Variants in MRTFA observed in about 807,000 individuals in gnomAD.
The protein encoded by MRTFA is myocardin related transcription factor A.
In MRTFA, 20 loss-of-function variants were observed where a neutral mutation model predicts 83.5. The ratio of observed to expected loss-of-function variants is 0.24; its 90% CI spans 0.17 to 0.35. The LOEUF is 0.35. MRTFA is among the 10% of genes least tolerant of loss of function. The probability of loss-of-function intolerance (pLI) is 1.00; values close to 1 mark genes in which losing one functional copy is unlikely to be tolerated. For missense variants in MRTFA, 1,200 were observed against 1,224.7 expected, an observed-to-expected ratio of 0.98 and a Z score of 0.30; for synonymous variants, 659 against 541.2, an observed-to-expected ratio of 1.22 and a Z score of -3.02.
intron 14 of MRTFA, chr22:40,412,528 G>A (rs534257455): frequency 6.6e-6 from 1 of 152,334 alleles, no homozygotes; most frequent in South Asian, 2.1e-4. Flanking sequence ...TTTGTACACA[G>A]GTGTTGATAA....
intron 3 of MRTFA, among the ~76,000 whole-genome samples, chr22:40,485,060 G>A (rs1315889125): frequency 6.8e-6 from 1 of 146,082 alleles, no homozygotes; most frequent in Admixed American, 6.9e-5. Flanking sequence ...AACATAGTGA[G>A]ACTCCGTCTC....
intron 3 of MRTFA, among the ~76,000 whole-genome samples, chr22:40,470,732 TGAG>T (rs1335062744): frequency 2.0e-5 from 3 of 151,450 alleles, no homozygotes; most frequent in African/African-American, 7.3e-5. Context: ...GCAGATCACC[TGAG>T]GTCAGGAGTT....
In MRTFA at chr22:40,636,693, C is replaced by T. The variant is rs2056706550; in HGVS notation, c.-299G>A. ...ACCACAGACACTGCCGCCGCCGGCT[C>T]CTCTCAGCCACGGAAGCTGCGGGCC... On this transcript the variant is annotated 5_prime_UTR_variant, in exon 1 of 15. Coordinates refer to ENST00000355630, the MANE Select transcript of MRTFA (RefSeq NM_020831.6). 1 of 152,414 alleles carries T rather than the reference C, an allele frequency of 6.6e-6. No homozygotes were observed. The highest frequency in any genetic ancestry group is 1.5e-5 in the Non-Finnish European group (1 of 68,212). The allele number at this position is 152,414 out of a possible 1,614,324, so 9.4% of individuals were successfully genotyped here.
rs1192788626 is a variant in MRTFA at position 40,562,640 on chromosome 22, G to C, written c.-21-10273C>G. 2.3e-3 allele frequency among the ~76,000 whole-genome samples: 193 copies of C among 82,220 alleles called. 3 individuals are homozygous for C. Among genetic ancestry groups the C allele is most frequent in the African/African-American group, 9.5e-3 (187 of 19,694 alleles). 53.9% of individuals were successfully genotyped at this position (82,220 alleles called of 152,430 possible). ...GGGGGAGGGAGAGGAAGGGGGAAAG[G>C]GGGGGAGGAGGGAAGGCAGAAAGGA... On this transcript the variant is annotated intron_variant, in intron 2 of 14. Transcript: ENST00000355630.
chr22:40,418,889 C>T lies in MRTFA; in HGVS notation c.1849G>A (p.Glu617Lys). ...TGGTCCTTGTCGCGCCCCTCTAGCT[C>T]CGCCCGCCCCCCAGGGCTCAGGCAA... is the stretch of plus-strand genomic sequence containing the variant. Residue 617 changes from glutamate to lysine, a missense_variant, in exon 12 of 15, where the codon GAG becomes AAG. By Grantham distance (56) the Glu-to-Lys change is moderately conservative. Transcript: ENST00000355630. 3 of 1,612,636 alleles carry T rather than the reference C, an allele frequency of 1.9e-6. No individual in the cohort carries two copies. Among genetic ancestry groups the T allele is most frequent in the Non-Finnish European group, 2.5e-6 (3 of 1,179,842 alleles).
At chr22:40,616,323 C>T (rs1187367051) in intron 1 of MRTFA, among the ~76,000 whole-genome samples, 1 of 152,144 alleles carries the variant, frequency 6.6e-6, no homozygotes, top group Non-Finnish European at 1.5e-5. Context: ...TTGGAGCCTA[C>T]AGAGAGCAAA....
At chr22:40,492,675 A>T (rs2054290025) in intron 3 of MRTFA, among the ~76,000 whole-genome samples, 3 of 152,304 alleles carry the variant, frequency 2.0e-5, no homozygotes, top group Non-Finnish European at 4.4e-5. Flanking sequence ...GCTATAACAC[A>T]ACATTATTTT....
rs566252341 is a variant in MRTFA, at chr22:40,464,107, C to G, written c.242-821G>C. ...CACAAGGTCAGGAGTTCGAGACCAGCCTGGCCAAGACAGTGAAACCCCATC... is the reference window on the plus strand; with the variant it reads ...CACAAGGTCAGGAGTTCGAGACCAGGCTGGCCAAGACAGTGAAACCCCATC... On this transcript the variant is annotated intron_variant, in intron 3 of 14. Transcript: ENST00000355630. Among the ~76,000 whole-genome samples, 10 of 151,918 alleles carry G rather than the reference C, an allele frequency of 6.6e-5. No homozygotes were observed. In the East Asian group the frequency reaches 1.9e-3, roughly 29 times the overall value.
intron 2 of MRTFA, among the ~76,000 whole-genome samples, chr22:40,554,389 T>A (rs1317418508): frequency 6.6e-6 from 1 of 152,180 alleles, no homozygotes; most frequent in Non-Finnish European, 1.5e-5. Flanking sequence ...AGGGACCCAG[T>A]GGGAGGTAAT....
At chr22:40,586,461 CA>C in intron 2 of MRTFA, among the ~76,000 whole-genome samples, 2 of 152,186 alleles carry the variant, frequency 1.3e-5, no homozygotes, top group Admixed American at 1.3e-4. Flanking sequence ...TAAACCCTAC[CA>C]AAACACATTC....
Position 40,424,269 on chromosome 22 carries a change from C to T in MRTFA, c.714G>A (p.Pro238=), listed in dbSNP as rs150826874. The T allele has an allele frequency of 6.6e-4, 1,056 of 1,610,316 alleles. 6 individuals carry two copies. The Middle Eastern group carries it at 0.013, about 20-fold the overall frequency. The change falls in exon 8 of 15, where the codon CCG becomes CCA. Residue 238 remains proline, a synonymous_variant. Transcript: ENST00000355630. The stretch of plus-strand genomic sequence containing the variant: ...CGCTGACTCGGGCCTCCAGGGGTGA[C>T]GGCACAGAACCCTGGGACTCATGGC...
At chr22:40,422,105 A>G (rs529706116) in intron 9 of MRTFA, among the ~76,000 whole-genome samples, 1 of 151,902 alleles carries the variant, frequency 6.6e-6, no homozygotes, top group African/African-American at 2.4e-5. Flanking sequence ...CTGTGAGCAC[A>G]GGCTGGGGAG....
chr22:40,609,764 G>C (rs1383370365), intron 1 of MRTFA, among the ~76,000 whole-genome samples: 3 of 152,044 alleles, frequency 2.0e-5, no homozygotes, highest in Admixed American at 6.6e-5. Flanking sequence ...CCGGGCAGCG[G>C]AGGTTGTGGT....
intron 3 of MRTFA, among the ~76,000 whole-genome samples, chr22:40,470,326 A>G (rs1158650510): frequency 7.1e-6 from 1 of 140,848 alleles, no homozygotes; most frequent in African/African-American, 2.7e-5. Flanking sequence ...AAATTCATAA[A>G]TATGCAGAAA....
intron 1 of MRTFA, among the ~76,000 whole-genome samples, chr22:40,601,795 T>A (rs774343352): frequency 6.6e-6 from 1 of 152,050 alleles, no homozygotes; most frequent in Non-Finnish European, 1.5e-5. Context: ...TTAAAAACAA[T>A]GAAAAATTAA....
At chr22:40,524,058 C>T (rs2147263871) in intron 3 of MRTFA, among the ~76,000 whole-genome samples, 1 of 152,230 alleles carries the variant, frequency 6.6e-6, no homozygotes, top group Admixed American at 6.5e-5. Context: ...AGTCAATGAG[C>T]AAAATATATT....
chr22:40,618,248 G>GCATT (rs1195201249), intron 1 of MRTFA, among the ~76,000 whole-genome samples: 1 of 129,066 alleles, frequency 7.7e-6, no homozygotes, highest in Non-Finnish European at 1.7e-5. Flanking sequence ...CTAATTTTTT[G>GCATT]TATTTTTTTT....
intron 3 of MRTFA, among the ~76,000 whole-genome samples, chr22:40,484,308 C>T (rs1001447122): frequency 2.6e-5 from 4 of 151,926 alleles, no homozygotes. Flanking sequence ...GAAAGAAATC[C>T]ATAAAATTAA....
chr22:40,592,341 C>A (rs897942580), intron 2 of MRTFA, among the ~76,000 whole-genome samples: 1 of 151,298 alleles, frequency 6.6e-6, no homozygotes, highest in East Asian at 1.9e-4. Context: ...CTAGCTACTC[C>A]GGAGGCTGAG....
Sources: gnomAD v4.1 joint callset for allele counts (sites outside exome capture counted in the v4.1 genomes callset) on GRCh38, gnomAD v4.1.1 for gene constraint, MANE v1.5 for transcripts, NCBI Gene and HGNC (gene_info 2026-07-23, HGNC 2026-07-21) for gene names.